The following CCDC39 variants were observed in gnomAD, a reference collection of about 807,000 sequenced individuals.
The protein encoded by CCDC39 is coiled-coil domain 39 molecular ruler complex subunit.
Under a neutral mutation model 121.0 loss-of-function variants are expected in CCDC39, and 113 were observed. That is an observed-to-expected ratio of 0.93 (90% CI 0.80 to 1.09). CCDC39 has a LOEUF of 1.09. CCDC39 is among the 50% of genes least tolerant of loss of function. CCDC39 has a pLI of 0.00. For synonymous variants in CCDC39, 349 were observed against 352.2 expected, an observed-to-expected ratio of 0.99 and a Z score of 0.10; for missense variants, 1,063 against 1,074.7, an observed-to-expected ratio of 0.99 and a Z score of 0.15.
chr3:180,654,345 G>A (rs1160287635), intron 7 of CCDC39, among the ~76,000 whole-genome samples: 1 of 149,428 alleles, frequency 6.7e-6, no homozygotes, highest in South Asian at 2.1e-4. Context: ...ACTTCTCAAA[G>A]AAAACACAGG....
At chr3:180,624,914 G>A (rs898632919) in intron 14 of CCDC39, among the ~76,000 whole-genome samples, 1 of 152,016 alleles carries the variant, frequency 6.6e-6, no homozygotes, top group Non-Finnish European at 1.5e-5. Context: ...TCCTTTATAG[G>A]TGACTAGATG....
At chr3:180,638,897 T>C (rs1717892024) in intron 13 of CCDC39, among the ~76,000 whole-genome samples, 1 of 152,136 alleles carries the variant, frequency 6.6e-6, no homozygotes, top group Admixed American at 6.6e-5. Flanking sequence ...TTTCTTAATG[T>C]TTCCTGAAAA....
At chr3:180,630,489 A>G (rs1394534249) in intron 14 of CCDC39, among the ~76,000 whole-genome samples, 1 of 152,152 alleles carries the variant, frequency 6.6e-6, no homozygotes, top group East Asian at 1.9e-4. Flanking sequence ...AATCAAAGGG[A>G]GAGAGCATCC....
intron 1 of CCDC39, among the ~76,000 whole-genome samples, chr3:180,673,142 T>G (rs577411793): frequency 1.8e-4 from 28 of 152,340 alleles, no homozygotes; most frequent in African/African-American, 6.5e-4. Flanking sequence ...CTACTCCTAG[T>G]GAAGATGCTG....
chr3:180,630,832 T>C (rs1458136288), intron 14 of CCDC39, among the ~76,000 whole-genome samples: 4 of 152,098 alleles, frequency 2.6e-5, no homozygotes, highest in African/African-American at 7.2e-5. Context: ...TATCATATTA[T>C]AGGGATATAT....
At chr3:180,618,889 TAGTA>T (rs1283588380) in intron 16 of CCDC39, among the ~76,000 whole-genome samples, 3 of 152,306 alleles carry the variant, frequency 2.0e-5, no homozygotes, top group Admixed American at 2.0e-4. Flanking sequence ...TGATTTGCCT[TAGTA>T]AGTACTTTCT....
intron 10 of CCDC39, 85 bp downstream of exon 10, chr3:180,648,080 C>A (rs1470566647): frequency 1.7e-5 from 19 of 1,119,810 alleles, no homozygotes; most frequent in Non-Finnish European, 2.4e-5. Context: ...GCTTATAATT[C>A]TTTGTTTTCT....
intron 1 of CCDC39, among the ~76,000 whole-genome samples, chr3:180,677,168 T>TATA (rs1712247237): frequency 3.1e-4 from 11 of 35,178 alleles, no homozygotes; most frequent in African/African-American, 8.1e-4. Context: ...AATAATAATT[T>TATA]TATATATATA....
At position 180,661,862 on chromosome 3, in the gene CCDC39, T is replaced by G. The variant is rs1383592837; in HGVS notation, c.356A>C (p.Glu119Ala). ...ASILEKKSDK[E>A]NGIFKATQKL... ...TTTAAGTAATATTTCAACATATACT[T>G]CTTTATCACTTTTCTTTTCCAGTAT... Residue 119 changes from glutamate (E) to alanine (A), a missense_variant and splice_region_variant, in exon 3 of 20, where the codon GAA (glutamate) becomes GCA (alanine). Glu to Ala is a moderately radical substitution (Grantham distance 107). Coordinates refer to ENST00000476379, the MANE Select transcript of CCDC39 (RefSeq NM_181426.2). 6.3e-7 allele frequency: 1 copy of G among 1,579,062 alleles called. No individual in the cohort carries two copies. The highest frequency in any genetic ancestry group is 8.6e-7 in the Non-Finnish European group (1 of 1,160,572).
At chr3:180,642,316 T>C (rs144350738) in intron 12 of CCDC39, 115 bp from the exon 13 acceptor site, 25 of 544,824 alleles carry the variant, frequency 4.6e-5, no homozygotes, top group East Asian at 2.1e-4. Context: ...AATTTAACCA[T>C]TGACTAAGAT....
chr3:180,652,415 CAG>C (rs1711505144), intron 7 of CCDC39, 149 bp from the exon 8 acceptor site: 2 of 490,466 alleles, frequency 4.1e-6, no homozygotes, highest in Non-Finnish European at 7.2e-6. Flanking sequence ...AATATATAAA[CAG>C]ATTTCCATAT....
At chr3:180,635,548 C>A (rs1170838703) in intron 13 of CCDC39, among the ~76,000 whole-genome samples, 3 of 152,136 alleles carry the variant, frequency 2.0e-5, no homozygotes, top group Admixed American at 6.5e-5. Flanking sequence ...GAGAAGTTGG[C>A]CAAAACAGAG....
chr3:180,640,591 A>T (rs1717932355), intron 13 of CCDC39, among the ~76,000 whole-genome samples: 1 of 152,098 alleles, frequency 6.6e-6, no homozygotes. Flanking sequence ...TGTCAGGAAT[A>T]TAAAAGGAAT....
intron 13 of CCDC39, among the ~76,000 whole-genome samples, chr3:180,641,027 G>A (rs1268792258): frequency 6.6e-6 from 1 of 152,004 alleles, no homozygotes; most frequent in Non-Finnish European, 1.5e-5. Flanking sequence ...TGCAAAAATT[G>A]TATTAAAATA....
chr3:180,644,028 C>T, intron 12 of CCDC39, 92 bp downstream of exon 12: 1 of 924,552 alleles, frequency 1.1e-6, no homozygotes, highest in Non-Finnish European at 1.6e-6. Flanking sequence ...GTGACATTTT[C>T]TTTTTCATAA....
At chr3:180,621,711 T>A (rs1717437085) in intron 14 of CCDC39, among the ~76,000 whole-genome samples, 1 of 152,110 alleles carries the variant, frequency 6.6e-6, no homozygotes, top group Non-Finnish European at 1.5e-5. Flanking sequence ...GTGTATGTTC[T>A]TGTCAGTTTT....
At position 180,655,620 on chromosome 3, in the gene CCDC39, C is replaced by T. The variant is rs533919743; in HGVS notation, c.739-667G>A. 2.0e-5 allele frequency among the ~76,000 whole-genome samples: 3 copies of T among 151,518 alleles called. No homozygotes were observed. In the South Asian group the frequency reaches 6.3e-4, roughly 32 times the overall value. ...GCAACATTTGAGTCAGGCTTACAAACATGAATGGGGTTGCATAAATACTCT... is the reference window on the plus strand; with the variant it reads ...GCAACATTTGAGTCAGGCTTACAAATATGAATGGGGTTGCATAAATACTCT... On this transcript the variant is annotated intron_variant, in intron 6 of 19. Coordinates refer to ENST00000476379, the MANE Select transcript of CCDC39 (RefSeq NM_181426.2).
chr3:180,616,476 G>T, intron 18 of CCDC39, 40 bp downstream of exon 18: 2 of 1,503,314 alleles, frequency 1.3e-6, no homozygotes, highest in South Asian at 1.4e-5. Context: ...TTATTTTCAT[G>T]AAGTTTTTAA....
intron 10 of CCDC39, 39 bp downstream of exon 10, chr3:180,648,126 T>C (rs372233684): frequency 5.3e-6 from 8 of 1,501,330 alleles, no homozygotes; most frequent in Middle Eastern, 2.0e-4. Context: ...ACAACTGTAA[T>C]AAATCAATAT....
Sources: gnomAD v4.1 joint callset for allele counts (sites outside exome capture counted in the v4.1 genomes callset) on GRCh38, gnomAD v4.1.1 for gene constraint, MANE v1.5 for transcripts, NCBI Gene and HGNC (gene_info 2026-07-23, HGNC 2026-07-21) for gene names.